RPRD2: variants seen among roughly 807,000 people sequenced by gnomAD.
The protein encoded by RPRD2 is regulation of nuclear pre-mRNA domain-containing protein 2.
Under a neutral mutation model 104.4 loss-of-function variants are expected in RPRD2, and 12 were observed. The ratio of observed to expected loss-of-function variants is 0.11; its 90% confidence interval spans 0.07 to 0.19. The LOEUF (loss-of-function observed/expected upper bound fraction) is 0.19, where lower values mean the gene tolerates loss of function less well. RPRD2 is among the 10% of genes least tolerant of loss of function. RPRD2 has a pLI of 1.00. For synonymous variants in RPRD2, 714 were observed against 684.9 expected (o/e 1.04, Z -0.66); for missense variants, 1,543 against 1,790.1 (o/e 0.86, Z 2.49).
intron 1 of RPRD2, among the ~76,000 whole-genome samples, chr1:150,391,516 AAG>A (rs1662062946): frequency 6.6e-6 from 1 of 152,212 alleles, no homozygotes; most frequent in South Asian, 2.1e-4. Flanking sequence ...AAAAAAATCT[AAG>A]AGATAAAATG....
At chr1:150,411,138 C>T (rs1663861977) in intron 1 of RPRD2, among the ~76,000 whole-genome samples, 1 of 152,058 alleles carries the variant, frequency 6.6e-6, no homozygotes, top group South Asian at 2.1e-4. Flanking sequence ...TTTAAACAGT[C>T]CCTGGCATAT....
At chr1:150,432,494 G>A (rs1572463325) in intron 2 of RPRD2, among the ~76,000 whole-genome samples, 1 of 151,958 alleles carries the variant, frequency 6.6e-6, no homozygotes, top group Non-Finnish European at 1.5e-5. Flanking sequence ...TCTAAGGGAG[G>A]TAGTGAAAAA....
In RPRD2 at chr1:150,473,209, T is replaced by A. The variant is rs998529504; in HGVS notation, c.4261T>A (p.Phe1421Ile). 1 of 1,613,976 alleles carries A rather than the reference T, an allele frequency of 6.2e-7. No individual in the cohort carries two copies. The highest frequency in any genetic ancestry group is 8.5e-7 in the Non-Finnish European group (1 of 1,179,858). ...AATCTTACGGAGTCCCCGGCCAGAC[T>A]TTCGGCCTAGGGAACCTTTTCTCAG... ...GIILRSPRPD[F>I]RPREPFLSRD... The change falls in exon 11 of 11, where the codon TTT (phenylalanine) becomes ATT (isoleucine). Residue 1421 changes from phenylalanine (F) to isoleucine (I), a missense_variant. Coordinates refer to ENST00000369068, the MANE Select transcript of RPRD2 (RefSeq NM_015203.5).
chr1:150,473,397 AT>A lies in RPRD2; in HGVS notation c.*65del. ...AACATTGGAAGTAGGAGTTTGGTTT[AT>A]TGTTGTTGTTTTTATTTGTTTTCTC... On this transcript the variant is annotated 3_prime_UTR_variant, in exon 11 of 11. Transcript: ENST00000369068. The A allele has an allele frequency of 2.1e-6, 3 of 1,446,522 alleles. No individual in the cohort carries two copies. Among genetic ancestry groups the A allele is most frequent in the Non-Finnish European group, 2.8e-6 (3 of 1,081,682 alleles). 89.6% of individuals were successfully genotyped at this position (1,446,522 alleles called of 1,614,324 possible). A position where few individuals can be genotyped will look rare whatever the true frequency, so the allele number is the denominator to read the frequency against.
intron 1 of RPRD2, among the ~76,000 whole-genome samples, chr1:150,382,696 T>A (rs1217705231): frequency 6.6e-6 from 1 of 152,030 alleles, no homozygotes; most frequent in Non-Finnish European, 1.5e-5. Context: ...TCTTGTTGGG[T>A]GCGGTGGTAC....
At chr1:150,374,838 T>G (rs1660581848) in intron 1 of RPRD2, among the ~76,000 whole-genome samples, 1 of 152,202 alleles carries the variant, frequency 6.6e-6, no homozygotes, top group Non-Finnish European at 1.5e-5. Context: ...CTTTTTGAGG[T>G]TCAAGGTAAA....
At chr1:150,440,240 C>T (rs1446965419) in intron 2 of RPRD2, among the ~76,000 whole-genome samples, 1 of 152,080 alleles carries the variant, frequency 6.6e-6, no homozygotes, top group Non-Finnish European at 1.5e-5. Flanking sequence ...CTCCTGACCT[C>T]AGGCAATCCA....
intron 6 of RPRD2, among the ~76,000 whole-genome samples, chr1:150,445,647 T>C (rs1666707568): frequency 6.6e-6 from 1 of 152,238 alleles, no homozygotes; most frequent in South Asian, 2.1e-4. Flanking sequence ...CAAACTCTTT[T>C]AGTTGAACTT....
Position 150,445,907 on chromosome 1 carries a change from A to G in RPRD2, c.695-319A>G, listed in dbSNP as rs191153549. On this transcript the variant is annotated intron_variant, in intron 6 of 10. Coordinates refer to ENST00000369068, the MANE Select transcript of RPRD2 (RefSeq NM_015203.5). ...CACAGTGAAACCCCATCTCCGCTAA[A>G]AATACAAAAAATTAGCTGGGCGTGG... is the stretch of plus-strand genomic sequence containing the variant. Among the ~76,000 whole-genome samples the G allele has an allele frequency of 4.1e-3, 626 of 152,188 alleles. 3 individuals are homozygous for G. Among genetic ancestry groups the G allele is most frequent in the Non-Finnish European group, 7.0e-3 (478 of 68,002 alleles).
chr1:150,390,881 T>G (rs1662012128), intron 1 of RPRD2, among the ~76,000 whole-genome samples: 1 of 152,084 alleles, frequency 6.6e-6, no homozygotes, highest in South Asian at 2.1e-4. Context: ...TGATGAAATA[T>G]GTGAATATAT....
Position 150,460,390 on chromosome 1 carries a change from G to C in RPRD2, c.1411+73G>C, listed in dbSNP as rs1408522288. 1.9e-5 allele frequency: 26 copies of C among 1,394,628 alleles called. 1 individual carries two copies. In the South Asian group the frequency reaches 3.3e-4, roughly 18 times the overall value. The allele number at this position is 1,394,628 out of a possible 1,614,324, so 86.4% of individuals were successfully genotyped here. On this transcript the variant is annotated intron_variant, in intron 9 of 10. Coordinates refer to ENST00000369068, the MANE Select transcript of RPRD2 (RefSeq NM_015203.5). ...AAATTGAATCATTAATCTGTTTTTG[G>C]GGGGGTTGTTGTTGTTGTTGTTGTT...
At chr1:150,365,852 A>T (rs1372387741) in intron 1 of RPRD2, among the ~76,000 whole-genome samples, 1 of 152,104 alleles carries the variant, frequency 6.6e-6, no homozygotes, top group Non-Finnish European at 1.5e-5. Flanking sequence ...CGGCCTCCCA[A>T]AGTGCAGGGA....
chr1:150,448,031 GTATT>G (rs1371697598), intron 7 of RPRD2, among the ~76,000 whole-genome samples: 5 of 152,126 alleles, frequency 3.3e-5, no homozygotes, highest in Non-Finnish European at 7.4e-5. Context: ...TTAAAGGACT[GTATT>G]TACTATTTTT....
intron 1 of RPRD2, among the ~76,000 whole-genome samples, chr1:150,409,935 G>A (rs1320684752): frequency 2.0e-5 from 3 of 152,154 alleles, no homozygotes; most frequent in Admixed American, 6.5e-5. Flanking sequence ...GTGAGCTACC[G>A]CACCTGGCCT....
chr1:150,468,021 G>A (rs1162983423), intron 10 of RPRD2, among the ~76,000 whole-genome samples: 1 of 151,968 alleles, frequency 6.6e-6, no homozygotes, highest in Admixed American at 6.6e-5. Context: ...AATTAGCTGG[G>A]CGTGGTGGCT....
chr1:150,367,654 T>A (rs1356943799), intron 1 of RPRD2, among the ~76,000 whole-genome samples: 1 of 152,130 alleles, frequency 6.6e-6, no homozygotes, highest in African/African-American at 2.4e-5. Context: ...TTTGTTCATA[T>A]AAAAGGAAAT....
At chr1:150,464,918 G>C (rs781938771) in intron 10 of RPRD2, among the ~76,000 whole-genome samples, 191 bp downstream of exon 10, 3 of 151,636 alleles carry the variant, frequency 2.0e-5, no homozygotes, top group Non-Finnish European at 4.4e-5. Flanking sequence ...TTGCCTAGTT[G>C]GTGTGCAGTG....
intron 7 of RPRD2, among the ~76,000 whole-genome samples, chr1:150,455,629 TA>T (rs59418711): frequency 0.39 from 54,804 of 141,072 alleles, 10,015 homozygotes; most frequent in Non-Finnish European, 0.41. Flanking sequence ...GGACATTAGG[TA>T]AAAAAAAAAA....
Position 150,471,512 on chromosome 1 carries a change from A to G in RPRD2, c.2564A>G (p.Lys855Arg). 8.1e-6 allele frequency: 13 copies of G among 1,613,756 alleles called. No individual in the cohort carries two copies. The highest frequency in any genetic ancestry group is 1.1e-5 in the Non-Finnish European group (13 of 1,179,842). Residue 855 changes from lysine (K) to arginine (R), a missense_variant, in exon 11 of 11, where the codon AAA becomes AGA. Coordinates refer to ENST00000369068, the MANE Select transcript of RPRD2 (RefSeq NM_015203.5). The surrounding 1 kb of genome is among the most constrained non-coding windows in gnomAD (Gnocchi z 5.3). ...ATGAACCTAGAGAAGAAACCAGCCA[A>G]ATCTATCCTGAAATCAAGCAAGCTG... ...AMMNLEKKPA[K>R]SILKSSKLSD...
Sources: allele counts gnomAD v4.1 joint callset (sites outside exome capture counted in the v4.1 genomes callset), GRCh38; gene constraint gnomAD v4.1.1; non-coding constraint Gnocchi (gnomAD v3.1); transcripts MANE v1.5; gene names NCBI Gene and HGNC (gene_info 2026-07-23, HGNC 2026-07-21).